Variants in CAPN14 observed in about 807,000 individuals in gnomAD.
CAPN14 encodes calpain-14.
A neutral mutation model predicts 101.3 loss-of-function variants in CAPN14; 94 were observed. That is an observed-to-expected ratio of 0.93 (90% CI 0.79 to 1.10). The LOEUF (loss-of-function observed/expected upper bound fraction) is 1.10, where lower values mean the gene tolerates loss of function less well. CAPN14 is among the 50% of genes least tolerant of loss of function. CAPN14 has a pLI of 0.00. For missense variants in CAPN14, 837 were observed against 828.4 expected, an observed-to-expected ratio of 1.01 and a Z score of -0.13; for synonymous variants, 338 against 317.9, an observed-to-expected ratio of 1.06 and a Z score of -0.67.
chr2:31,200,316 G>A, intron 6 of CAPN14, 135 bp downstream of exon 6: 1 of 776,010 alleles, frequency 1.3e-6, no homozygotes, highest in Non-Finnish European at 2.0e-6. Flanking sequence ...TGCTGCTCTG[G>A]TTTGAACACC....
At chr2:31,209,233 A>T (rs140714560) in intron 1 of CAPN14, among the ~76,000 whole-genome samples, 7,352 of 147,802 alleles carry the variant, frequency 0.05, 176 homozygotes, top group African/African-American at 0.058. Context: ...CACCTCAGCC[A>T]CCCAAAGTGC....
rs1188249540 is a variant in CAPN14, at chr2:31,178,639, G to A, written c.1711-60C>T. 9.8e-6 allele frequency: 11 copies of A among 1,120,044 alleles called. No individual in the cohort carries two copies. The East Asian group carries it at 2.5e-4, about 25-fold the overall frequency. The allele number at this position is 1,120,044 out of a possible 1,614,324, so 69.4% of individuals were successfully genotyped here. On this transcript the variant is annotated intron_variant, in intron 17 of 21. Coordinates refer to ENST00000403897, the MANE Select transcript of CAPN14 (RefSeq NM_001145122.2). ...GAGTTCTATCCATGCTTTGGAGGCA[G>A]TGATCAGCCCTCCACAAAGTGATGT...
intron 9 of CAPN14, among the ~76,000 whole-genome samples, 197 bp from the exon 10 acceptor site, chr2:31,193,491 G>A (rs1278735557): frequency 6.6e-6 from 1 of 152,176 alleles, no homozygotes; most frequent in Non-Finnish European, 1.5e-5. Flanking sequence ...TCCATCGTGG[G>A]GGGCTGGAGC....
intron 8 of CAPN14, among the ~76,000 whole-genome samples, chr2:31,195,172 G>GA (rs999943107): frequency 6.6e-6 from 1 of 152,010 alleles, no homozygotes; most frequent in Non-Finnish European, 1.5e-5. Context: ...GGGGCTACAT[G>GA]AAAAAAAGGA....
Position 31,174,363 on chromosome 2 carries a change from C to A in CAPN14, c.*318G>T. 2.0e-6 allele frequency: 1 copy of A among 496,192 alleles called. No individual in the cohort carries two copies. Among genetic ancestry groups the A allele is most frequent in the Non-Finnish European group, 3.6e-6 (1 of 275,730 alleles). 30.7% of individuals were successfully genotyped at this position (496,192 alleles called of 1,614,324 possible). ...CCACAGAGGCAGTGTTGTATGGAGG[C>A]TAACCACACCAGCTCTGGAGTCAGA... On this transcript the variant is annotated 3_prime_UTR_variant, in exon 22 of 22. Coordinates refer to ENST00000403897, the MANE Select transcript of CAPN14 (RefSeq NM_001145122.2).
At chr2:31,222,081 A>G (rs1279600439), upstream of CAPN14, among the ~76,000 whole-genome samples, 1 of 152,226 alleles carries the variant, frequency 6.6e-6, no homozygotes, top group Non-Finnish European at 1.5e-5. Context: ...CTATGTACAG[A>G]AAATAACACA....
At chr2:31,197,183 G>T in intron 8 of CAPN14, 66 bp downstream of exon 8, 1 of 1,072,788 alleles carries the variant, frequency 9.3e-7, no homozygotes, top group Non-Finnish European at 1.4e-6. Context: ...GAATCTGTGT[G>T]CAAATGGCAG....
chr2:31,205,519 G>A lies in CAPN14; in HGVS notation c.-52-20C>T, dbSNP rs766789511. The A allele has an allele frequency of 8.9e-6, 11 of 1,237,446 alleles. No homozygotes were observed. Among genetic ancestry groups the A allele is most frequent in the Non-Finnish European group, 1.3e-5 (11 of 863,724 alleles). 76.7% of individuals were successfully genotyped at this position (1,237,446 alleles called of 1,614,324 possible). ...CTGCTCCTGAAATGGAGAGAGGACG[G>A]TCAGTTTCCTCACTTCCTCCTTGTG... On this transcript the variant is annotated intron_variant, in intron 1 of 21. Coordinates refer to ENST00000403897, the MANE Select transcript of CAPN14 (RefSeq NM_001145122.2).
At chr2:31,194,999 A>G (rs988696003) in intron 8 of CAPN14, among the ~76,000 whole-genome samples, 2 of 152,190 alleles carry the variant, frequency 1.3e-5, no homozygotes, top group Admixed American at 1.3e-4. Context: ...GTGAGCCCTA[A>G]CATCACCTAG....
intron 12 of CAPN14, 50 bp from the exon 13 acceptor site, chr2:31,189,528 G>A: frequency 1.4e-6 from 2 of 1,467,356 alleles, no homozygotes; most frequent in South Asian, 1.2e-5. Context: ...ACCCAGGGCT[G>A]TGGCCAGGCC....
chr2:31,189,147 T>C (rs55817058), intron 13 of CAPN14, 126 bp downstream of exon 13: 177,890 of 818,092 alleles, frequency 0.22, 23,555 homozygotes, highest in African/African-American at 0.52. Flanking sequence ...CCTGGTCTCC[T>C]GCTCTCCCCA....
chr2:31,191,341 C>T (rs1213246497), intron 12 of CAPN14, 58 bp downstream of exon 12: 2 of 1,507,614 alleles, frequency 1.3e-6, no homozygotes, highest in Non-Finnish European at 1.8e-6. Flanking sequence ...CCTGTGGAGG[C>T]TTGGCCACAT....
At chr2:31,197,035 A>C (rs1411984957) in intron 8 of CAPN14, among the ~76,000 whole-genome samples, 1 of 146,520 alleles carries the variant, frequency 6.8e-6, no homozygotes, top group East Asian at 2.0e-4. Context: ...CAAGCCCTCA[A>C]ACAAACATCA....
rs1572405124 is a variant in CAPN14 at position 31,191,915 on chromosome 2, T to C, written c.1278+20A>G. 11 of 1,528,496 alleles carry C rather than the reference T, an allele frequency of 7.2e-6. No homozygotes were observed. The highest frequency in any genetic ancestry group is 9.7e-6 in the Non-Finnish European group (11 of 1,133,844). The allele number at this position is 1,528,496 out of a possible 1,614,324, so 94.7% of individuals were successfully genotyped here. ...CCCCACGCTTGGTCCCATGCCCCTG[T>C]GGTTCAGAGGTCCACCTACCCTATA... On this transcript the variant is annotated intron_variant, in intron 11 of 21. Coordinates refer to ENST00000403897, the MANE Select transcript of CAPN14 (RefSeq NM_001145122.2).
chr2:31,190,295 C>G (rs1254872813), intron 12 of CAPN14, among the ~76,000 whole-genome samples: 1 of 152,164 alleles, frequency 6.6e-6, no homozygotes, highest in East Asian at 1.9e-4. Flanking sequence ...TACACAACTG[C>G]TAACAAAGAC....
intron 1 of CAPN14, among the ~76,000 whole-genome samples, chr2:31,211,220 AAG>A (rs911781554): frequency 7.3e-5 from 10 of 137,584 alleles, no homozygotes; most frequent in Non-Finnish European, 1.1e-4. Context: ...AAGAAAAAGA[AAG>A]AGAGAAAGAA....
At chr2:31,206,259 G>C (rs982973707) in intron 1 of CAPN14, among the ~76,000 whole-genome samples, 30 of 152,160 alleles carry the variant, frequency 2.0e-4, no homozygotes, top group African/African-American at 7.2e-4. Context: ...GCCCCCAGCT[G>C]CGCTCCGGGT....
At chr2:31,221,558 G>T (rs1388741575), upstream of CAPN14, among the ~76,000 whole-genome samples, 2 of 150,346 alleles carry the variant, frequency 1.3e-5, no homozygotes, top group Non-Finnish European at 3.0e-5. Context: ...GTTTTTTTTT[G>T]GTTTACTTTT....
intron 13 of CAPN14, 101 bp from the exon 14 acceptor site, chr2:31,188,455 T>A: frequency 9.6e-7 from 1 of 1,047,074 alleles, no homozygotes; most frequent in Admixed American, 2.0e-5. Context: ...GTTCCTTCAC[T>A]GAGGCACCAC....
Sources: gnomAD v4.1 joint callset for allele counts (sites outside exome capture counted in the v4.1 genomes callset) on GRCh38, gnomAD v4.1.1 for gene constraint, MANE v1.5 for transcripts, NCBI Gene and HGNC (gene_info 2026-07-23, HGNC 2026-07-21) for gene names.